Variants in ABHD12 observed in about 807,000 individuals in gnomAD.
The protein encoded by ABHD12 is lysophosphatidylserine lipase ABHD12.
In ABHD12, 43 loss-of-function variants were observed where a neutral mutation model predicts 58.3. The ratio of observed to expected loss-of-function variants is 0.74; its 90% CI spans 0.58 to 0.95. The LOEUF is 0.95. Ranked by LOEUF, ABHD12 falls within the 40% of genes least tolerant of loss-of-function variation. The pLI, the probability that ABHD12 is intolerant of heterozygous loss-of-function variation, is 0.00. For synonymous variants in ABHD12, 219 were observed against 211.2 expected (o/e 1.04, Z -0.32); for missense variants, 539 against 537.2 (o/e 1.00, Z -0.03).
chr20:25,366,035 T>G (rs1258439063), intron 1 of ABHD12, among the ~76,000 whole-genome samples: 1 of 152,174 alleles, frequency 6.6e-6, no homozygotes, highest in African/African-American at 2.4e-5. Context: ...GTAAGACCCT[T>G]AAAAATCAAA....
chr20:25,371,734 G>A (rs1282011025), intron 1 of ABHD12, among the ~76,000 whole-genome samples: 1 of 152,024 alleles, frequency 6.6e-6, no homozygotes, highest in African/African-American at 2.4e-5. Flanking sequence ...CAGTAAAAAA[G>A]TAGTCCAAAA....
At chr20:25,368,191 T>C in intron 1 of ABHD12, 2 of 1,119,106 alleles carry the variant, frequency 1.8e-6, no homozygotes, top group East Asian at 4.7e-5. Flanking sequence ...TCTAGGATAC[T>C]GAGAGCAAAT....
chr20:25,373,002 A>G (rs2089917445), intron 1 of ABHD12, among the ~76,000 whole-genome samples: 1 of 151,920 alleles, frequency 6.6e-6, no homozygotes, highest in Non-Finnish European at 1.5e-5. Flanking sequence ...ACAAATACTT[A>G]ACATTGTGTC....
chr20:25,307,130 G>A (rs1446312923), intron 9 of ABHD12, among the ~76,000 whole-genome samples: 1 of 152,206 alleles, frequency 6.6e-6, no homozygotes, highest in Non-Finnish European at 1.5e-5. Context: ...AGGAACAGAA[G>A]AATCACCCGC....
chr20:25,342,401 C>G (rs1351772810), intron 1 of ABHD12, among the ~76,000 whole-genome samples: 1 of 152,016 alleles, frequency 6.6e-6, no homozygotes, highest in Non-Finnish European at 1.5e-5. Context: ...AAAACCAGTA[C>G]AGACACACCA....
At chr20:25,296,757 G>C, downstream of ABHD12, 1 of 560,572 alleles carries the variant, frequency 1.8e-6, no homozygotes, top group Non-Finnish European at 3.0e-6. Context: ...ACAAAGGGTC[G>C]TGGCCAGCCC....
chr20:25,346,111 T>C (rs2089514672), intron 1 of ABHD12, among the ~76,000 whole-genome samples: 1 of 152,112 alleles, frequency 6.6e-6, no homozygotes, highest in African/African-American at 2.4e-5. Flanking sequence ...ATCCGGACAA[T>C]GGAATATTAT....
At position 25,313,589 on chromosome 20, in the gene ABHD12, A is replaced by G. The variant is rs527641293; in HGVS notation, c.619+1336T>C. On this transcript the variant is annotated intron_variant, in intron 6 of 12. Transcript: ENST00000339157. ...CAAGAATGATCAATAAAAATAAAAT[A>G]AAATAAAATAAAATAAAATAAAATA... Among the ~76,000 whole-genome samples the G allele has an allele frequency of 4.7e-5, 6 of 127,054 alleles. No individual in the cohort carries two copies. In the East Asian group the frequency reaches 1.0e-3, roughly 22 times the overall value. 83.4% of individuals were successfully genotyped at this position (127,054 alleles called of 152,430 possible). A position where few individuals can be genotyped will look rare whatever the true frequency, so the allele number is the denominator to read the frequency against.
intron 6 of ABHD12, among the ~76,000 whole-genome samples, chr20:25,314,344 G>A (rs542320768): frequency 6.6e-6 from 1 of 152,162 alleles, no homozygotes; most frequent in Admixed American, 6.5e-5. Context: ...CATGTCTGAC[G>A]TCCAGCTCTG....
chr20:25,344,174 T>G (rs1433212873), intron 1 of ABHD12, among the ~76,000 whole-genome samples: 2 of 152,186 alleles, frequency 1.3e-5, no homozygotes, highest in Non-Finnish European at 2.9e-5. Flanking sequence ...GATGAAAAGC[T>G]TGAAGCTTTC....
intron 1 of ABHD12, among the ~76,000 whole-genome samples, chr20:25,359,179 T>TG (rs1279346267): frequency 6.6e-6 from 1 of 151,268 alleles, no homozygotes; most frequent in Non-Finnish European, 1.5e-5. Context: ...CCCAGCACTT[T>TG]GGGAGGCCGA....
At chr20:25,338,862 ATGT>A in intron 2 of ABHD12, 1 of 1,076,016 alleles carries the variant, frequency 9.3e-7, no homozygotes, top group Non-Finnish European at 1.1e-6. Context: ...CTGACTTCTC[ATGT>A]TGTCAACATT....
intron 1 of ABHD12, among the ~76,000 whole-genome samples, chr20:25,340,732 A>G (rs2089443879): frequency 2.0e-5 from 3 of 152,272 alleles, no homozygotes; most frequent in Admixed American, 2.0e-4. Flanking sequence ...ATGTTAAATA[A>G]GACATCCACA....
At chr20:25,294,937 C>G in exon 13 of ABHD12, 1 of 1,612,420 alleles carries the variant, frequency 6.2e-7, no homozygotes, top group East Asian at 2.2e-5. Context: ...GTTTTGTCTG[C>G]TGCTCTTCGA....
At chr20:25,371,597 G>T (rs2089900741) in intron 1 of ABHD12, among the ~76,000 whole-genome samples, 1 of 152,082 alleles carries the variant, frequency 6.6e-6, no homozygotes, top group East Asian at 1.9e-4. Flanking sequence ...AATATTGCCG[G>T]GTTTTTATTT....
chr20:25,298,593 A>G (rs531198490), downstream of ABHD12, among the ~76,000 whole-genome samples: 18 of 152,236 alleles, frequency 1.2e-4, no homozygotes, highest in African/African-American at 4.3e-4. Context: ...AATCAATCAA[A>G]TCCAGCCATT....
intron 2 of ABHD12, among the ~76,000 whole-genome samples, chr20:25,325,399 C>T (rs935671617): frequency 3.9e-5 from 6 of 152,194 alleles, no homozygotes; most frequent in African/African-American, 1.4e-4. Context: ...AGGCCTCACC[C>T]CCAGTACCTA....
Position 25,390,453 on chromosome 20 carries a change from G to A in ABHD12, c.191+60C>T. The A allele has an allele frequency of 1.3e-5, 17 of 1,333,348 alleles. 1 individual carries two copies. The highest frequency in any genetic ancestry group is 1.5e-5 in the Non-Finnish European group (16 of 1,047,432). The allele number at this position is 1,333,348 out of a possible 1,614,324, so 82.6% of individuals were successfully genotyped here. A position where few individuals can be genotyped will look rare whatever the true frequency, so the allele number is the denominator to read the frequency against. The stretch of plus-strand genomic sequence containing the variant: ...GAGGTACCGCGGCCCCCTGCGGGAC[G>A]CACCTGCGCAAAGTGAGGGACCGGC... On this transcript the variant is annotated intron_variant, in intron 1 of 12. Coordinates refer to ENST00000339157, the MANE Select transcript of ABHD12 (RefSeq NM_001042472.3).
downstream of ABHD12, among the ~76,000 whole-genome samples, chr20:25,299,462 C>T (rs1204424049): frequency 1.3e-5 from 2 of 151,620 alleles, no homozygotes; most frequent in Admixed American, 6.6e-5. Context: ...CTCAGTCCCC[C>T]AGCCAAGTAT....
Sources: allele counts gnomAD v4.1 joint callset (sites outside exome capture counted in the v4.1 genomes callset), GRCh38; gene constraint gnomAD v4.1.1; transcripts MANE v1.5; gene names NCBI Gene and HGNC (gene_info 2026-07-23, HGNC 2026-07-21).